The following LAPTM5 variants were observed in gnomAD, a reference collection of about 807,000 sequenced individuals.
The protein encoded by LAPTM5 is lysosomal-associated transmembrane protein 5.
LAPTM5 carries 11 observed loss-of-function variants against 30.1 expected under a neutral mutation model. The ratio of observed to expected loss-of-function variants is 0.37; its 90% CI spans 0.23 to 0.60. LAPTM5 has a LOEUF of 0.60. LAPTM5 is among the 20% of genes least tolerant of loss of function. The probability of loss-of-function intolerance (pLI) is 0.71; values close to 1 mark genes in which losing one functional copy is unlikely to be tolerated. For synonymous variants in LAPTM5, 151 were observed against 137.9 expected (o/e 1.10, Z -0.67); for missense variants, 324 against 332.5 (o/e 0.97, Z 0.20).
chr1:30,742,350 G>A (rs368595498), intron 2 of LAPTM5, 106 bp downstream of exon 2: 21 of 747,174 alleles, frequency 2.8e-5, no homozygotes, highest in African/African-American at 6.9e-5. Flanking sequence ...GTCATCCATC[G>A]TCCATGGAGA....
intron 5 of LAPTM5, among the ~76,000 whole-genome samples, chr1:30,738,732 C>A (rs557943844): frequency 1.3e-5 from 2 of 152,224 alleles, no homozygotes; most frequent in Non-Finnish European, 2.9e-5. Flanking sequence ...CTTTGCTTGG[C>A]TTCCTCCTTT....
Position 30,739,606 on chromosome 1 carries a change from T to A in LAPTM5, c.387+203A>T, listed in dbSNP as rs529111681. 4.6e-5 allele frequency among the ~76,000 whole-genome samples: 7 copies of A among 152,252 alleles called. No homozygotes were observed. In the East Asian group the frequency reaches 1.4e-3, roughly 29 times the overall value. The stretch of plus-strand genomic sequence containing the variant: ...ATGTAACCCTCATAAGGCAGGCTGA[T>A]GAGATGTGATTGCAGGTACATTCCA... On this transcript the variant is annotated intron_variant, in intron 4 of 7. Coordinates refer to ENST00000294507, the MANE Select transcript of LAPTM5 (RefSeq NM_006762.3). This position sits in a 1 kb window ranked among gnomAD's most constrained non-coding sequence, Gnocchi z 4.2.
intron 1 of LAPTM5, among the ~76,000 whole-genome samples, 171 bp from the exon 2 acceptor site, chr1:30,742,720 A>G (rs1408237835): frequency 6.6e-6 from 1 of 152,112 alleles, no homozygotes; most frequent in Non-Finnish European, 1.5e-5. Context: ...ACACACAGAG[A>G]GCCCATGTTC....
At chr1:30,754,740 G>C (rs899352844) in intron 1 of LAPTM5, among the ~76,000 whole-genome samples, 7 of 152,186 alleles carry the variant, frequency 4.6e-5, no homozygotes, top group African/African-American at 1.7e-4. Flanking sequence ...TACGGACCAG[G>C]CTTCCCTCAT....
In LAPTM5 at chr1:30,756,181, G is replaced by A. The variant is rs1438081893; in HGVS notation, c.87+1478C>T. ...CATGCCACACTGTCCTTCTAAGAAT[G>A]TGCATAGTCTCAGAGCTTGAAGGCC... On this transcript the variant is annotated intron_variant, in intron 1 of 7. Coordinates refer to ENST00000294507, the MANE Select transcript of LAPTM5 (RefSeq NM_006762.3). 6.6e-5 allele frequency among the ~76,000 whole-genome samples: 10 copies of A among 152,218 alleles called. 1 individual carries two copies. Among genetic ancestry groups the A allele is most frequent in the Admixed American group, 6.5e-4 (10 of 15,274 alleles).
At chr1:30,741,032 G>T (rs1639963406) in intron 3 of LAPTM5, among the ~76,000 whole-genome samples, 1 of 152,206 alleles carries the variant, frequency 6.6e-6, no homozygotes, top group African/African-American at 2.4e-5. Flanking sequence ...AGGGGATTGA[G>T]CTACAGCCCA....
chr1:30,753,711 A>G (rs1640170110), intron 1 of LAPTM5, among the ~76,000 whole-genome samples: 1 of 152,232 alleles, frequency 6.6e-6, no homozygotes, highest in Non-Finnish European at 1.5e-5. Context: ...CAATCTTGGA[A>G]CAGAAAAAGG....
At chr1:30,755,939 C>T (rs541912238) in intron 1 of LAPTM5, among the ~76,000 whole-genome samples, 7 of 152,190 alleles carry the variant, frequency 4.6e-5, no homozygotes, top group Non-Finnish European at 7.3e-5. Context: ...CCGGGGTCAC[C>T]GCAGGCCCCA....
chr1:30,745,645 G>A (rs1640032686), intron 1 of LAPTM5, among the ~76,000 whole-genome samples: 1 of 152,202 alleles, frequency 6.6e-6, no homozygotes, highest in Non-Finnish European at 1.5e-5. Flanking sequence ...ACAGAGCGAG[G>A]CAACCTCAGA....
At chr1:30,747,059 C>T (rs759087419) in intron 1 of LAPTM5, among the ~76,000 whole-genome samples, 2 of 152,158 alleles carry the variant, frequency 1.3e-5, no homozygotes, top group South Asian at 2.1e-4. Context: ...GTGCTCAGAG[C>T]CATGACAGAG....
chr1:30,733,215 G>A lies in LAPTM5; in HGVS notation c.*613C>T, dbSNP rs11541205. The A allele has an allele frequency of 9.7e-3, 1,634 of 167,732 alleles. 37 individuals are homozygous for A. Among genetic ancestry groups the A allele is most frequent in the African/African-American group, 0.038 (1,563 of 41,620 alleles). 10.4% of individuals were successfully genotyped at this position (167,732 alleles called of 1,614,324 possible). A position where few individuals can be genotyped will look rare whatever the true frequency, so the allele number is the denominator to read the frequency against. ...TTCATTTGAATTAAATGGTTTGGAG[G>A]CTAACGTGATTTTTTAAATTGAATT... On this transcript the variant is annotated 3_prime_UTR_variant, in exon 8 of 8. Coordinates refer to ENST00000294507, the MANE Select transcript of LAPTM5 (RefSeq NM_006762.3).
At chr1:30,741,833 C>T (rs771889622) in intron 2 of LAPTM5, 117 bp from the exon 3 acceptor site, 87 of 641,274 alleles carry the variant, frequency 1.4e-4, no homozygotes, top group African/African-American at 2.2e-4. Flanking sequence ...ACAGGAAAGC[C>T]CAGGCCCTGC....
At position 30,736,596 on chromosome 1, in the gene LAPTM5, A is replaced by G. The variant is rs569419145; in HGVS notation, c.606+1008T>C. On this transcript the variant is annotated intron_variant, in intron 6 of 7. Coordinates refer to ENST00000294507, the MANE Select transcript of LAPTM5 (RefSeq NM_006762.3). The stretch of plus-strand genomic sequence containing the variant: ...CTACAGGCACACGCCACCACATCCA[A>G]CTTTTTTTTTTTTATGTTTTGTAGA... Among the ~76,000 whole-genome samples the G allele has an allele frequency of 1.3e-4, 19 of 148,104 alleles. No individual in the cohort carries two copies. The East Asian group carries it at 3.5e-3, about 27-fold the overall frequency.
At position 30,741,638 on chromosome 1, in the gene LAPTM5, A is replaced by C; in HGVS notation, c.258+2T>G. 6.3e-7 allele frequency: 1 copy of C among 1,595,868 alleles called. No individual in the cohort carries two copies. Among genetic ancestry groups the C allele is most frequent in the East Asian group, 2.3e-5 (1 of 44,218 alleles). On this transcript the variant is annotated splice_donor_variant, in intron 3 of 7. Coordinates refer to ENST00000294507, the MANE Select transcript of LAPTM5 (RefSeq NM_006762.3). LOFTEE classifies it high-confidence loss of function. Reference sequence around the variant, plus strand: ...GGGGCAGCGGGGCTCCTGAGCCCTCACCTTGACTACGCCGATCAGTAGGCT... The same window carrying C: ...GGGGCAGCGGGGCTCCTGAGCCCTCCCCTTGACTACGCCGATCAGTAGGCT...
chr1:30,757,769 G>A lies in LAPTM5; in HGVS notation c.-24C>T. On this transcript the variant is annotated 5_prime_UTR_variant, in exon 1 of 8. Coordinates refer to ENST00000294507, the MANE Select transcript of LAPTM5 (RefSeq NM_006762.3). ...ATGGTGCTGCCGTCCCCTCCTCTGA[G>A]ACACTGAAGGGGAAAGAGCCTGGTG... 9 of 1,607,512 alleles carry A rather than the reference G, an allele frequency of 5.6e-6. No homozygotes were observed. The highest frequency in any genetic ancestry group is 7.7e-6 in the Non-Finnish European group (9 of 1,176,060).
intron 7 of LAPTM5, among the ~76,000 whole-genome samples, chr1:30,734,258 G>A (rs1639856418): frequency 6.6e-6 from 1 of 152,190 alleles, no homozygotes; most frequent in South Asian, 2.1e-4. Flanking sequence ...GCCACTCAAA[G>A]TAGAATTCCA....
intron 1 of LAPTM5, among the ~76,000 whole-genome samples, chr1:30,748,271 G>A (rs948430013): frequency 2.0e-5 from 3 of 152,130 alleles, no homozygotes; most frequent in African/African-American, 7.2e-5. Flanking sequence ...GACAGAGGCT[G>A]CACAAGAAGA....
intron 3 of LAPTM5, among the ~76,000 whole-genome samples, chr1:30,741,382 C>T (rs1222959229): frequency 6.6e-6 from 1 of 152,226 alleles, no homozygotes; most frequent in African/African-American, 2.4e-5. Flanking sequence ...CTAGTTCTCA[C>T]CAAAGTGTCG....
At chr1:30,752,709 T>G (rs1640154786) in intron 1 of LAPTM5, among the ~76,000 whole-genome samples, 1 of 152,234 alleles carries the variant, frequency 6.6e-6, no homozygotes, top group Non-Finnish European at 1.5e-5. Context: ...AGGCCGTGAA[T>G]GAGTCAGGGC....
Sources: gnomAD v4.1 joint callset for allele counts (sites outside exome capture counted in the v4.1 genomes callset) on GRCh38, gnomAD v4.1.1 for gene constraint, Gnocchi (gnomAD v3.1) non-coding constraint, MANE v1.5 for transcripts, NCBI Gene and HGNC (gene_info 2026-07-23, HGNC 2026-07-21) for gene names.